RALY: variants seen among roughly 807,000 people sequenced by gnomAD.
RALY encodes RALY heterogeneous nuclear ribonucleoprotein, also known as RNA-binding protein Raly.
RALY carries 15 observed loss-of-function variants against 30.7 expected under a neutral mutation model. The ratio of observed to expected loss-of-function variants is 0.49; its 90% CI spans 0.33 to 0.75. The LOEUF is 0.75. Among genes scored for constraint, RALY ranks in the 30% least tolerant of loss-of-function variants. RALY has a pLI of 0.02. For synonymous variants in RALY, 177 were observed against 170.8 expected (o/e 1.04, Z -0.28); for missense variants, 339 against 414.3 (o/e 0.82, Z 1.58).
In RALY at chr20:34,076,690, CT is replaced by C; in HGVS notation, c.545-11del. 1 of 1,612,616 alleles carries C rather than the reference CT, an allele frequency of 6.2e-7. No homozygotes were observed. Among genetic ancestry groups the C allele is most frequent in the Non-Finnish European group, 8.5e-7 (1 of 1,178,986 alleles). On this transcript the variant is annotated splice_polypyrimidine_tract_variant and intron_variant, in intron 6 of 9. Coordinates refer to ENST00000246194, the MANE Select transcript of RALY (RefSeq NM_016732.3). Reference sequence around the variant, plus strand: ...CCCCTAGGTGACAGCCCTGTCCCCCCTCCACTCCCAGTAAAGAGCAGTGAGC... The same window carrying C: ...CCCCTAGGTGACAGCCCTGTCCCCCCCCACTCCCAGTAAAGAGCAGTGAGC...
intron 1 of RALY, among the ~76,000 whole-genome samples, chr20:34,021,448 TGA>T (rs963634336): frequency 6.6e-6 from 1 of 152,050 alleles, no homozygotes. Context: ...CATCACATGG[TGA>T]GAGAGAGTGG....
chr20:34,066,312 C>T (rs1174962821), intron 2 of RALY, among the ~76,000 whole-genome samples: 1 of 151,864 alleles, frequency 6.6e-6, no homozygotes, highest in Non-Finnish European at 1.5e-5. Context: ...AACCCCGTCT[C>T]TACTAAAAAT....
Position 34,080,769 on chromosome 20 carries a change from T to G in RALY, c.*864T>G, listed in dbSNP as rs2034017425. On this transcript the variant is annotated 3_prime_UTR_variant, in exon 10 of 10. Transcript: ENST00000246194. ...AGGACAAAACCCTACCTCCTGAATG[T>G]AGGGTGTAAGATCCTGCTTACTCCA... is the stretch of plus-strand genomic sequence containing the variant. The G allele has an allele frequency of 6.6e-6, 1 of 152,342 alleles. No individual in the cohort carries two copies. Among genetic ancestry groups the G allele is most frequent in the Non-Finnish European group, 1.5e-5 (1 of 68,078 alleles). The allele number at this position is 152,342 out of a possible 1,614,324, so 9.4% of individuals were successfully genotyped here. A position where few individuals can be genotyped will look rare whatever the true frequency, so the allele number is the denominator to read the frequency against.
At chr20:34,012,339 T>C (rs1239188930) in intron 1 of RALY, among the ~76,000 whole-genome samples, 2 of 152,170 alleles carry the variant, frequency 1.3e-5, no homozygotes, top group African/African-American at 2.4e-5. Context: ...TAGCATCAGA[T>C]TGACCTTATT....
intron 2 of RALY, among the ~76,000 whole-genome samples, chr20:34,067,437 A>G (rs1483780094): frequency 6.6e-6 from 1 of 151,980 alleles, no homozygotes; most frequent in African/African-American, 2.4e-5. Context: ...AAGTGCTGGG[A>G]TTATGGGCGT....
At chr20:34,013,841 A>T (rs2031505349) in intron 1 of RALY, among the ~76,000 whole-genome samples, 1 of 152,200 alleles carries the variant, frequency 6.6e-6, no homozygotes. Flanking sequence ...AATAGTACTT[A>T]CAAAATGAAT....
At chr20:33,997,569 TA>T (rs1213622578) in intron 1 of RALY, among the ~76,000 whole-genome samples, 19 of 152,206 alleles carry the variant, frequency 1.2e-4, no homozygotes, top group African/African-American at 4.6e-4. Context: ...TCAGAATGAT[TA>T]AGTAGATCAC....
At chr20:34,055,652 C>A (rs1049951918) in intron 2 of RALY, among the ~76,000 whole-genome samples, 2 of 152,208 alleles carry the variant, frequency 1.3e-5, no homozygotes, top group East Asian at 3.8e-4. Context: ...TTAATACAAT[C>A]TCCTCAGGTG....
intron 2 of RALY, among the ~76,000 whole-genome samples, chr20:34,044,447 A>T (rs2032808235): frequency 6.6e-6 from 1 of 151,702 alleles, no homozygotes; most frequent in Admixed American, 6.6e-5. Flanking sequence ...CAGCCTCCCT[A>T]GTAGCTGGGA....
chr20:34,081,836 C>T lies in RALY; in HGVS notation c.*1931C>T, dbSNP rs2034035056. ...TGGCTTCATACCTGAGCCAAAAGCC[C>T]CAATCCATGCTTGGCCATTGCCTGA... is the stretch of plus-strand genomic sequence containing the variant. On this transcript the variant is annotated 3_prime_UTR_variant, in exon 10 of 10. Coordinates refer to ENST00000246194, the MANE Select transcript of RALY (RefSeq NM_016732.3). 6.6e-6 allele frequency: 1 copy of T among 152,358 alleles called. No homozygotes were observed. The highest frequency in any genetic ancestry group is 1.5e-5 in the Non-Finnish European group (1 of 68,134). The allele number at this position is 152,358 out of a possible 1,614,324, so 9.4% of individuals were successfully genotyped here. A position where few individuals can be genotyped will look rare whatever the true frequency, so the allele number is the denominator to read the frequency against.
At chr20:34,013,491 C>T (rs1270721318) in intron 1 of RALY, among the ~76,000 whole-genome samples, 1 of 151,594 alleles carries the variant, frequency 6.6e-6, no homozygotes, top group South Asian at 2.1e-4. Context: ...GGATGTAACC[C>T]TGTTGTAAAT....
Position 34,057,107 on chromosome 20 carries a change from C to T in RALY, c.-9-14959C>T, listed in dbSNP as rs556948632. Among the ~76,000 whole-genome samples the T allele has an allele frequency of 8.5e-5, 13 of 152,116 alleles. No individual in the cohort carries two copies. In the South Asian group the frequency reaches 1.0e-3, roughly 12 times the overall value. On this transcript the variant is annotated intron_variant, in intron 2 of 9. Coordinates refer to ENST00000246194, the MANE Select transcript of RALY (RefSeq NM_016732.3). ...AAAATGATGCTTACCGAAAACTATG[C>T]GGCAGTAAGGACAAATATGCTATAA... is the stretch of plus-strand genomic sequence containing the variant.
At chr20:34,076,181 A>C (rs1035267654) in intron 6 of RALY, 141 bp downstream of exon 6, 2 of 1,093,520 alleles carry the variant, frequency 1.8e-6, no homozygotes, top group Admixed American at 2.7e-5. Context: ...AAGTATTTTC[A>C]TGCATTTCTA....
chr20:34,016,141 G>A (rs1398063840), intron 1 of RALY, among the ~76,000 whole-genome samples: 1 of 152,100 alleles, frequency 6.6e-6, no homozygotes, highest in Admixed American at 6.6e-5. Flanking sequence ...CACACACCGA[G>A]TACCACAGCA....
chr20:34,025,897 T>TTA (rs1443610945), intron 1 of RALY, among the ~76,000 whole-genome samples: 98 of 100,776 alleles, frequency 9.7e-4, no homozygotes, highest in Non-Finnish European at 1.9e-3. Flanking sequence ...AGATTCCTGG[T>TTA]TGTTTTTTTT....
intron 1 of RALY, among the ~76,000 whole-genome samples, chr20:34,017,036 C>T (rs919879462): frequency 3.9e-5 from 6 of 152,394 alleles, no homozygotes; most frequent in Middle Eastern, 3.4e-3. Flanking sequence ...GCCCACCTCC[C>T]CTGGGGACCA....
chr20:34,066,205 C>T (rs1006125999), intron 2 of RALY, among the ~76,000 whole-genome samples: 4 of 121,854 alleles, frequency 3.3e-5, no homozygotes, highest in African/African-American at 6.9e-5. Flanking sequence ...TAAAATGGGG[C>T]GGGATGGGTG....
intron 2 of RALY, among the ~76,000 whole-genome samples, chr20:34,065,995 T>G (rs1434270388): frequency 6.6e-6 from 1 of 152,120 alleles, no homozygotes; most frequent in Non-Finnish European, 1.5e-5. Flanking sequence ...AGACTTGATC[T>G]GATAGGATTT....
chr20:34,055,093 A>T (rs2033200420), intron 2 of RALY, among the ~76,000 whole-genome samples: 1 of 152,182 alleles, frequency 6.6e-6, no homozygotes, highest in Non-Finnish European at 1.5e-5. Context: ...CAGAGAGGTT[A>T]AATCATTTAC....
Sources: gnomAD v4.1 joint callset for allele counts (sites outside exome capture counted in the v4.1 genomes callset) on GRCh38, gnomAD v4.1.1 for gene constraint, MANE v1.5 for transcripts, NCBI Gene and HGNC (gene_info 2026-07-23, HGNC 2026-07-21) for gene names.